The following MAMLD1 variants were observed in gnomAD, a reference collection of about 807,000 sequenced individuals.
MAMLD1 encodes mastermind-like domain-containing protein 1.
MAMLD1 carries 14 observed loss-of-function variants against 45.0 expected under a neutral mutation model. The observed-to-expected ratio is 0.31, with a 90% CI of 0.21 to 0.49. The LOEUF is 0.49. MAMLD1 is among the 20% of genes least tolerant of loss of function. The probability of loss-of-function intolerance (pLI) is 0.99; values close to 1 mark genes in which losing one functional copy is unlikely to be tolerated. For synonymous variants in MAMLD1, 254 were observed against 247.8 expected, an observed-to-expected ratio of 1.02 and a Z score of -0.24; for missense variants, 543 against 603.6, an observed-to-expected ratio of 0.90 and a Z score of 1.05.
chrX:150,508,405 G>A (rs1557408957), intron 6 of MAMLD1, among the ~76,000 whole-genome samples: 1 of 109,018 alleles, frequency 9.2e-6, no homozygotes, highest in Non-Finnish European at 1.9e-5. Flanking sequence ...CAGGGAGAGG[G>A]CAGCTCCATA....
chrX:150,505,969 G>C (rs2037714638), intron 6 of MAMLD1, among the ~76,000 whole-genome samples: 1 of 112,593 alleles, frequency 8.9e-6, no homozygotes, highest in Non-Finnish European at 1.9e-5. Flanking sequence ...TGGGGGTGGG[G>C]GTCCCCACAA....
intron 2 of MAMLD1, among the ~76,000 whole-genome samples, chrX:150,451,817 G>A (rs1299835384): frequency 2.7e-5 from 3 of 110,874 alleles, no homozygotes; most frequent in African/African-American, 9.9e-5. Flanking sequence ...TTTGACCACT[G>A]GGCACTCAAA....
intron 3 of MAMLD1, among the ~76,000 whole-genome samples, chrX:150,467,182 T>G (rs1422260575): frequency 8.9e-6 from 1 of 112,367 alleles, no homozygotes; most frequent in Non-Finnish European, 1.9e-5. Flanking sequence ...ACATTTCTAT[T>G]TTTAACCTAT....
chrX:150,440,500 C>A (rs1210959661), intron 1 of MAMLD1, among the ~76,000 whole-genome samples: 1 of 110,672 alleles, frequency 9.0e-6, no homozygotes, highest in Non-Finnish European at 1.9e-5. Flanking sequence ...GTTTTCATTT[C>A]AGATTTTTAA....
intron 5 of MAMLD1, among the ~76,000 whole-genome samples, chrX:150,499,647 A>G (rs375533405): frequency 1.3e-4 from 15 of 111,440 alleles, no homozygotes; most frequent in African/African-American, 4.9e-4. Flanking sequence ...CTTGGTTTCT[A>G]GCTTGGTTTC....
chrX:150,398,080 C>T lies in MAMLD1; in HGVS notation c.-64+34550C>T, dbSNP rs782510276. 1.4e-4 allele frequency among the ~76,000 whole-genome samples: 15 copies of T among 108,764 alleles called. No individual in the cohort carries two copies. The East Asian group carries it at 4.3e-3, about 31-fold the overall frequency. The allele number at this position is 108,764 out of a possible 115,157, so 94.4% of individuals were successfully genotyped here. ...TCACCCCGTGCTTGCTCAGCACCCA[C>T]TCCACCCACAGTGACCCTTCTGCAA... On this transcript the variant is annotated intron_variant, in intron 1 of 7. Coordinates refer to ENST00000370401, the MANE Select transcript of MAMLD1 (RefSeq NM_005491.5).
At chrX:150,396,529 G>A (rs918087467) in intron 1 of MAMLD1, among the ~76,000 whole-genome samples, 35 of 110,296 alleles carry the variant, frequency 3.2e-4, no homozygotes, top group African/African-American at 1.1e-3. Context: ...TAATTCCATC[G>A]TGGTCTGAGA....
intron 1 of MAMLD1, among the ~76,000 whole-genome samples, chrX:150,398,904 C>T (rs2033636019): frequency 8.9e-6 from 1 of 111,783 alleles, no homozygotes; most frequent in Non-Finnish European, 1.9e-5. Flanking sequence ...ACTCAGATGT[C>T]ACTTCTGCTG....
intron 1 of MAMLD1, among the ~76,000 whole-genome samples, chrX:150,367,970 T>G (rs2031633640): frequency 9.0e-6 from 1 of 111,434 alleles, no homozygotes. Flanking sequence ...TGATGGACAT[T>G]TGGGTTGGTT....
intron 5 of MAMLD1, among the ~76,000 whole-genome samples, chrX:150,482,557 AT>A (rs1343435351): frequency 1.8e-5 from 2 of 112,604 alleles, no homozygotes; most frequent in African/African-American, 6.5e-5. Flanking sequence ...AAAGGCTGCA[AT>A]TTTAAAACAC....
intron 5 of MAMLD1, among the ~76,000 whole-genome samples, chrX:150,482,035 T>A (rs868979144): frequency 9.8e-5 from 8 of 81,817 alleles, no homozygotes; most frequent in Admixed American, 2.6e-4. Context: ...AAAGAAAGAA[T>A]TGAAAGCAGG....
At chrX:150,483,214 G>C (rs1339932304) in intron 5 of MAMLD1, among the ~76,000 whole-genome samples, 1 of 112,285 alleles carries the variant, frequency 8.9e-6, no homozygotes, top group Non-Finnish European at 1.9e-5. Flanking sequence ...GTTCACACCT[G>C]GTCATTGTGT....
intron 1 of MAMLD1, among the ~76,000 whole-genome samples, chrX:150,398,289 A>C (rs782362607): frequency 1.2e-5 from 1 of 84,276 alleles, no homozygotes; most frequent in African/African-American, 4.6e-5. Flanking sequence ...AAGAAGAAGA[A>C]GAAGAAGAAG....
At chrX:150,402,501 G>C (rs1439442916) in intron 1 of MAMLD1, among the ~76,000 whole-genome samples, 1 of 111,665 alleles carries the variant, frequency 9.0e-6, no homozygotes, top group Non-Finnish European at 1.9e-5. Context: ...AACCATTGTG[G>C]AAGTCAGTGT....
intron 1 of MAMLD1, among the ~76,000 whole-genome samples, chrX:150,396,240 C>T (rs1481054099): frequency 3.2e-5 from 3 of 95,102 alleles, no homozygotes; most frequent in Admixed American, 1.3e-4. Flanking sequence ...AAGTGATCTT[C>T]CCAGCTCAAC....
chrX:150,383,344 T>C (rs2032764965), intron 1 of MAMLD1, among the ~76,000 whole-genome samples: 1 of 111,579 alleles, frequency 9.0e-6, no homozygotes, highest in African/African-American at 3.3e-5. Context: ...CTATCAAGAT[T>C]TACTTCGTAT....
chrX:150,432,636 G>C (rs1367492529), intron 1 of MAMLD1, among the ~76,000 whole-genome samples: 1 of 111,981 alleles, frequency 8.9e-6, no homozygotes, highest in Non-Finnish European at 1.9e-5. Context: ...TTCTGCATAT[G>C]GCTAGCCACT....
chrX:150,398,329 GAA>G lies in MAMLD1; in HGVS notation c.-64+34800_-64+34801del, dbSNP rs1569564613. ...AGAAGAAGAAGAAGAAGAAGAAGAA[GAA>G]GAAGAAGAAGAGGAAGAGGAAGAGG... On this transcript the variant is annotated intron_variant, in intron 1 of 7. Transcript: ENST00000370401. 1.8e-3 allele frequency among the ~76,000 whole-genome samples: 148 copies of G among 83,816 alleles called. 2 individuals are homozygous for G. The highest frequency in any genetic ancestry group is 5.5e-3 in the Middle Eastern group (1 of 183). 72.8% of individuals were successfully genotyped at this position (83,816 alleles called of 115,157 possible). A position where few individuals can be genotyped will look rare whatever the true frequency, so the allele number is the denominator to read the frequency against.
intron 1 of MAMLD1, among the ~76,000 whole-genome samples, chrX:150,367,602 A>C (rs5925515): frequency 0.18 from 19,755 of 111,249 alleles, 1,356 homozygotes; most frequent in Admixed American, 0.19. Context: ...GTACATGTGC[A>C]CAACGTGCAG....
Sources: allele counts gnomAD v4.1 joint callset (sites outside exome capture counted in the v4.1 genomes callset), GRCh38; gene constraint gnomAD v4.1.1; transcripts MANE v1.5; gene names NCBI Gene and HGNC (gene_info 2026-07-23, HGNC 2026-07-21).